The following SETX variants were observed in gnomAD, a reference collection of about 807,000 sequenced individuals.
SETX encodes helicase senataxin.
A neutral mutation model predicts 227.2 loss-of-function variants in SETX; 90 were observed. The ratio of observed to expected loss-of-function variants is 0.40; its 90% CI spans 0.33 to 0.47. The LOEUF (loss-of-function observed/expected upper bound fraction) is 0.47, where lower values mean the gene tolerates loss of function less well. Ranked by LOEUF, SETX falls within the 20% of genes least tolerant of loss-of-function variation. SETX has a pLI of 0.91. For missense variants in SETX, 3,052 were observed against 3,181.5 expected, an observed-to-expected ratio of 0.96 and a Z score of 0.98; for synonymous variants, 1,210 against 1,113.2, an observed-to-expected ratio of 1.09 and a Z score of -1.73.
Position 132,271,650 on chromosome 9 carries a change from G to A in SETX, c.7199+60C>T, listed in dbSNP as rs78827183. 4,124 of 1,376,010 alleles carry A rather than the reference G, an allele frequency of 3.0e-3. 105 individuals carry two copies. The African/African-American group carries it at 0.051, about 17-fold the overall frequency. 85.2% of individuals were successfully genotyped at this position (1,376,010 alleles called of 1,614,324 possible). A position where few individuals can be genotyped will look rare whatever the true frequency, so the allele number is the denominator to read the frequency against. On this transcript the variant is annotated intron_variant, in intron 24 of 25. Coordinates refer to ENST00000224140, the MANE Select transcript of SETX (RefSeq NM_015046.7). ...TAACAGTGATAATGAACCTAATCCT[G>A]AACTATAAACAAGCAACAATGTATA... is the stretch of plus-strand genomic sequence containing the variant.
At chr9:132,301,490 T>C (rs1024234334) in intron 11 of SETX, among the ~76,000 whole-genome samples, 8 of 152,168 alleles carry the variant, frequency 5.3e-5, no homozygotes, top group Non-Finnish European at 1.0e-4. Context: ...CATAATGATG[T>C]TGTGGTCAGT....
At position 132,349,452 on chromosome 9, in the gene SETX, T is replaced by C; in HGVS notation, c.-7-17A>G. Reference sequence around the variant, plus strand: ...ATTCTGTACCTACAGCCAGAAAAGATGACATCAAGAAGAAAACCAACTTCA... The same window carrying C: ...ATTCTGTACCTACAGCCAGAAAAGACGACATCAAGAAGAAAACCAACTTCA... On this transcript the variant is annotated splice_polypyrimidine_tract_variant and intron_variant, in intron 2 of 25. Coordinates refer to ENST00000224140, the MANE Select transcript of SETX (RefSeq NM_015046.7). 6.2e-7 allele frequency: 1 copy of C among 1,613,930 alleles called. No homozygotes were observed. Among genetic ancestry groups the C allele is most frequent in the Non-Finnish European group, 8.5e-7 (1 of 1,179,924 alleles).
chr9:132,346,492 C>A (rs1250035292), intron 3 of SETX, 21 bp from the exon 4 acceptor site: 4 of 1,538,986 alleles, frequency 2.6e-6, no homozygotes, highest in Non-Finnish European at 3.6e-6. Context: ...ATAAAATGGG[C>A]AGTGTGCGTT....
At position 132,278,186 on chromosome 9, in the gene SETX, T is replaced by C. The variant is rs1475513373; in HGVS notation, c.6726A>G (p.Glu2242=). Residue 2242 remains glutamate, a synonymous_variant, in exon 21 of 26, where the codon GAA becomes GAG. Transcript: ENST00000224140. ...TGGGCAGCCTGCTGATCATGTTGTG[T>C]TCTACATTCTCTTCCAGCAGTCTGC... ...RFCRLLEENV[E]HNMISRLPIL... The C allele has an allele frequency of 1.2e-6, 2 of 1,614,194 alleles. No individual in the cohort carries two copies. The highest frequency in any genetic ancestry group is 2.7e-5 in the African/African-American group (2 of 75,044).
chr9:132,300,622 T>A lies in SETX; in HGVS notation c.5548+8A>T. On this transcript the variant is annotated splice_region_variant and intron_variant, in intron 12 of 25. Transcript: ENST00000224140. ...ACATTTCCTGTCAATGCCTCATTAT[T>A]TACTTACTGACTGACGTGCGGCGAA... The A allele has an allele frequency of 6.2e-7, 1 of 1,613,292 alleles. No homozygotes were observed. The highest frequency in any genetic ancestry group is 8.5e-7 in the Non-Finnish European group (1 of 1,179,660).
In SETX at chr9:132,285,070, G is replaced by C. The variant is rs1362032870; in HGVS notation, c.6396+1353C>G. Among the ~76,000 whole-genome samples the C allele has an allele frequency of 3.9e-5, 6 of 151,900 alleles. No individual in the cohort carries two copies. The South Asian group carries it at 1.2e-3, about 32-fold the overall frequency. ...ATTTTTTGTATTTTATTAGAGACGG[G>C]GTTTCACTGTGTTAGCCAGGATGGT... On this transcript the variant is annotated intron_variant, in intron 18 of 25. Transcript: ENST00000224140.
intron 11 of SETX, among the ~76,000 whole-genome samples, chr9:132,302,250 G>C (rs1174251262): frequency 6.6e-6 from 1 of 151,656 alleles, no homozygotes; most frequent in African/African-American, 2.4e-5. Context: ...CCAGCTACTC[G>C]GGAGGCCGAG....
intron 22 of SETX, 40 bp from the exon 23 acceptor site, chr9:132,275,460 C>CTAA (rs1310911551): frequency 6.5e-7 from 1 of 1,536,622 alleles, no homozygotes; most frequent in South Asian, 1.1e-5. Flanking sequence ...GTTATCAAAA[C>CTAA]TAATAGCAGG....
chr9:132,273,512 G>A (rs560247923), intron 23 of SETX, among the ~76,000 whole-genome samples: 5 of 152,278 alleles, frequency 3.3e-5, no homozygotes, highest in South Asian at 4.1e-4. Context: ...AGTTTTCAGC[G>A]TACAAGTCTT....
intron 21 of SETX, among the ~76,000 whole-genome samples, chr9:132,277,456 A>G (rs1428746682): frequency 1.3e-5 from 2 of 152,154 alleles, no homozygotes; most frequent in Non-Finnish European, 2.9e-5. Flanking sequence ...CAAAAATTTA[A>G]AAAGTAAAAA....
At chr9:132,319,313 T>C (rs1846185729) in intron 10 of SETX, among the ~76,000 whole-genome samples, 1 of 152,168 alleles carries the variant, frequency 6.6e-6, no homozygotes, top group African/African-American at 2.4e-5. Context: ...TTTCTAAAGA[T>C]TACTCTCCAC....
At chr9:132,306,805 C>T (rs899246662) in intron 11 of SETX, among the ~76,000 whole-genome samples, 10 of 152,128 alleles carry the variant, frequency 6.6e-5, no homozygotes, top group Non-Finnish European at 1.5e-4. Context: ...TAGCCTCAAA[C>T]TCCTGGGCTC....
chr9:132,283,901 C>T (rs1463627532), intron 18 of SETX, among the ~76,000 whole-genome samples: 3 of 152,186 alleles, frequency 2.0e-5, no homozygotes, highest in Non-Finnish European at 2.9e-5. Flanking sequence ...GACAAATCCT[C>T]TATTTCCACA....
At chr9:132,294,064 C>T (rs980156864) in intron 15 of SETX, among the ~76,000 whole-genome samples, 1 of 152,074 alleles carries the variant, frequency 6.6e-6, no homozygotes, top group African/African-American at 2.4e-5. Flanking sequence ...AACCTAGACA[C>T]CTCGTTTGCC....
At chr9:132,314,688 A>C (rs865931294) in intron 10 of SETX, among the ~76,000 whole-genome samples, 1 of 152,140 alleles carries the variant, frequency 6.6e-6, no homozygotes, top group South Asian at 2.1e-4. Flanking sequence ...CTTTTTTCCC[A>C]GTAACTAAGA....
chr9:132,356,530 T>G (rs1260704670), upstream of SETX, among the ~76,000 whole-genome samples: 1 of 152,148 alleles, frequency 6.6e-6, no homozygotes, highest in African/African-American at 2.4e-5. Flanking sequence ...CGCCTACTAC[T>G]GACCACGATG....
chr9:132,327,739 G>A lies in SETX; in HGVS notation c.3859C>T (p.Leu1287Phe). Residue 1287 changes from leucine to phenylalanine, a missense_variant, in exon 10 of 26, where the codon CTT becomes TTT. Coordinates refer to ENST00000224140, the MANE Select transcript of SETX (RefSeq NM_015046.7). ...CPEPTSTAEK[L>F]GLKKGPRKAY... ...TTACGAGGACCCTTTTTCAGGCCAA[G>A]TTTCTCAGCTGTTGAAGTTGGCTCA... 2 of 1,614,186 alleles carry A rather than the reference G, an allele frequency of 1.2e-6. No individual in the cohort carries two copies. The highest frequency in any genetic ancestry group is 1.7e-6 in the Non-Finnish European group (2 of 1,180,042).
chr9:132,297,083 A>T, intron 13 of SETX, 29 bp from the exon 14 acceptor site: 1 of 1,571,544 alleles, frequency 6.4e-7, no homozygotes, highest in Non-Finnish European at 8.7e-7. Context: ...TTTGAGAATG[A>T]GTTGCTGTTT....
At chr9:132,348,569 G>A (rs372953997) in intron 3 of SETX, among the ~76,000 whole-genome samples, 5 of 151,974 alleles carry the variant, frequency 3.3e-5, no homozygotes, top group East Asian at 1.9e-4. Flanking sequence ...AATTCCATCC[G>A]TGATAAACAT....
Sources: allele counts gnomAD v4.1 joint callset (sites outside exome capture counted in the v4.1 genomes callset), GRCh38; gene constraint gnomAD v4.1.1; transcripts MANE v1.5; gene names NCBI Gene and HGNC (gene_info 2026-07-23, HGNC 2026-07-21).